The following EIF5 variants were observed in gnomAD, a reference collection of about 807,000 sequenced individuals.
EIF5 encodes eukaryotic translation initiation factor 5.
Under a neutral mutation model 48.3 loss-of-function variants are expected in EIF5, and 10 were observed. That is an observed-to-expected ratio of 0.21 (90% confidence interval 0.13 to 0.35). The LOEUF is 0.35. Ranked by LOEUF, EIF5 falls within the 10% of genes least tolerant of loss-of-function variation. The pLI, the probability that EIF5 is intolerant of heterozygous loss-of-function variation, is 1.00. For missense variants in EIF5, 397 were observed against 533.2 expected (o/e 0.74, Z 2.51); for synonymous variants, 237 against 173.1 (o/e 1.37, Z -2.90).
In EIF5 at chr14:103,342,165, T is replaced by C. The variant is rs1177581910; in HGVS notation, c.*1113T>C. 3 of 152,590 alleles carry C rather than the reference T, an allele frequency of 2.0e-5. No homozygotes were observed. The highest frequency in any genetic ancestry group is 4.4e-5 in the Non-Finnish European group (3 of 68,026). The allele number at this position is 152,590 out of a possible 1,614,324, so 9.5% of individuals were successfully genotyped here. A position where few individuals can be genotyped will look rare whatever the true frequency, so the allele number is the denominator to read the frequency against. On this transcript the variant is annotated 3_prime_UTR_variant, in exon 12 of 12. Coordinates refer to ENST00000216554, the MANE Select transcript of EIF5 (RefSeq NM_001969.5). ...TCTTTTTTTTTTCTTCCAGAATGTC[T>C]TATTTAAAAAGAAAGCTAAAAGCAT...
At position 103,342,449 on chromosome 14, in the gene EIF5, C is replaced by T. The variant is rs1046764831; in HGVS notation, c.*1397C>T. The T allele has an allele frequency of 6.6e-6, 1 of 152,160 alleles. No homozygotes were observed. Among genetic ancestry groups the T allele is most frequent in the Non-Finnish European group, 1.5e-5 (1 of 68,030 alleles). 9.4% of individuals were successfully genotyped at this position (152,160 alleles called of 1,614,324 possible). On this transcript the variant is annotated 3_prime_UTR_variant, in exon 12 of 12. Coordinates refer to ENST00000216554, the MANE Select transcript of EIF5 (RefSeq NM_001969.5). ...TCAAGGTTAAACCTCTTGGCAGTTA[C>T]CCTTTTCACAAAGTGCACAGTGGGA...
At position 103,343,009 on chromosome 14, in the gene EIF5, G is replaced by A. The variant is rs1278282706; in HGVS notation, c.*1957G>A. On this transcript the variant is annotated 3_prime_UTR_variant, in exon 12 of 12. Coordinates refer to ENST00000216554, the MANE Select transcript of EIF5 (RefSeq NM_001969.5). ...ACTAAAAAATTTGGCTTAAACCAGT[G>A]TTCAGTCTGGTGCCAAACTTCGAAT... 2.6e-5 allele frequency: 4 copies of A among 152,602 alleles called. No homozygotes were observed. The highest frequency in any genetic ancestry group is 4.1e-4 in the South Asian group (2 of 4,828). The allele number at this position is 152,602 out of a possible 1,614,324, so 9.5% of individuals were successfully genotyped here.
rs950275290 is a variant in EIF5 at position 103,336,940 on chromosome 14, T to G, written c.327+91T>G. 33 of 1,459,346 alleles carry G rather than the reference T, an allele frequency of 2.3e-5. No individual in the cohort carries two copies. The African/African-American group carries it at 4.1e-4, about 18-fold the overall frequency. The allele number at this position is 1,459,346 out of a possible 1,614,324, so 90.4% of individuals were successfully genotyped here. On this transcript the variant is annotated intron_variant, in intron 5 of 11. Coordinates refer to ENST00000216554, the MANE Select transcript of EIF5 (RefSeq NM_001969.5). The stretch of plus-strand genomic sequence containing the variant: ...CCTTCCTGAGAAGGCAGAGCAAATG[T>G]AATTTTAAATCAAACACAAAACTCC...
chr14:103,337,734 A>G (rs778101982), intron 6 of EIF5: 5 of 423,662 alleles, frequency 1.2e-5, no homozygotes, highest in Non-Finnish European at 4.6e-6. Context: ...ATCAATTAAG[A>G]CATTATCTGA....
In EIF5 at chr14:103,341,230, C is replaced by T; in HGVS notation, c.*178C>T. On this transcript the variant is annotated 3_prime_UTR_variant, in exon 12 of 12. Transcript: ENST00000216554. Reference sequence around the variant, plus strand: ...AAGCCCAATGAGACATCTAGGGAGTCCATACACATCAGTGAGCAGATGTAG... The same window carrying T: ...AAGCCCAATGAGACATCTAGGGAGTTCATACACATCAGTGAGCAGATGTAG... 1 of 571,670 alleles carries T rather than the reference C, an allele frequency of 1.7e-6. No individual in the cohort carries two copies. The highest frequency in any genetic ancestry group is 3.1e-6 in the Non-Finnish European group (1 of 318,608). The allele number at this position is 571,670 out of a possible 1,614,324, so 35.4% of individuals were successfully genotyped here. A position where few individuals can be genotyped will look rare whatever the true frequency, so the allele number is the denominator to read the frequency against.
At position 103,336,165 on chromosome 14, in the gene EIF5, T is replaced by C. The variant is rs780522747; in HGVS notation, c.154+48T>C. The C allele has an allele frequency of 5.1e-6, 8 of 1,563,860 alleles. No homozygotes were observed. The East Asian group carries it at 1.4e-4, about 27-fold the overall frequency. On this transcript the variant is annotated intron_variant, in intron 4 of 11. Transcript: ENST00000216554. ...CACAGGGCATATTATGGATAGAGTC[T>C]TCAAAGTCTTTGAGCTGCAAAACTT...
intron 8 of EIF5, 102 bp downstream of exon 8, chr14:103,338,995 C>A (rs2089321884): frequency 2.0e-6 from 3 of 1,500,090 alleles, no homozygotes; most frequent in South Asian, 2.7e-5. Context: ...CTCTAATGCA[C>A]GACTTTTTAG....
chr14:103,340,531 CGAA>C lies in EIF5; in HGVS notation c.1185_1187del (p.Glu395del), dbSNP rs752768657. 7.0e-5 allele frequency: 113 copies of C among 1,611,726 alleles called. 2 individuals carry two copies. In the Middle Eastern group the frequency reaches 2.3e-3, roughly 33 times the overall value. On this transcript the variant is annotated inframe_deletion, in exon 11 of 12. Transcript: ENST00000216554. ...AGGCAGAGGAAGAATCTTCTGGTGGCGAAGAAGAAGATGAAGATGAGAACATTG... is the reference window on the plus strand; with the variant it reads ...AGGCAGAGGAAGAATCTTCTGGTGGCGAAGAAGATGAAGATGAGAACATTG...
chr14:103,338,559 A>G, intron 7 of EIF5, 87 bp downstream of exon 7: 3 of 1,505,026 alleles, frequency 2.0e-6, no homozygotes, highest in Non-Finnish European at 8.9e-7. Context: ...TGTTGAAACT[A>G]GCCTTCAGTG....
chr14:103,338,434 C>G lies in EIF5; in HGVS notation c.547C>G (p.Pro183Ala). ...CAGCAGTGAGACACCACCACCACCA[C>G]CACCACCAAATGAAATTAATCCTCC... ...VSSSETPPPP[P>A]PPNEINPPPH... Residue 183 changes from proline (P) to alanine (A), a missense_variant, in exon 7 of 12, where the codon CCA (proline) becomes GCA (alanine). By Grantham distance (27) the Pro-to-Ala change is conservative. Transcript: ENST00000216554. 1 of 1,591,884 alleles carries G rather than the reference C, an allele frequency of 6.3e-7. No individual in the cohort carries two copies. The highest frequency in any genetic ancestry group is 2.3e-5 in the East Asian group (1 of 43,172).
intron 6 of EIF5, 152 bp downstream of exon 6, chr14:103,337,379 C>A: frequency 1.6e-6 from 1 of 635,904 alleles, no homozygotes; most frequent in Non-Finnish European, 2.6e-6. Flanking sequence ...CCAGGGCGGG[C>A]ACATCACTTG....
chr14:103,337,938 C>T (rs1276132546), intron 6 of EIF5: 1 of 529,354 alleles, frequency 1.9e-6, no homozygotes, highest in South Asian at 1.4e-5. Context: ...GGTGTTCTCT[C>T]TCCCATGAGA....
intron 10 of EIF5, among the ~76,000 whole-genome samples, chr14:103,340,033 A>G (rs564316170): frequency 1.3e-5 from 2 of 152,156 alleles, no homozygotes; most frequent in Admixed American, 6.5e-5. Flanking sequence ...TAATTTTTGT[A>G]TTTTTAGTAG....
rs773670665 is a variant in EIF5 at position 103,340,413 on chromosome 14, C to A, written c.1072-14C>A. On this transcript the variant is annotated splice_polypyrimidine_tract_variant and intron_variant, in intron 10 of 11. Coordinates refer to ENST00000216554, the MANE Select transcript of EIF5 (RefSeq NM_001969.5). ...AAATTCCTCAACTAAGAGACTTGTA[C>A]TCACATTTTTTAGGCCTCTAAGAAA... 6.3e-7 allele frequency: 1 copy of A among 1,594,960 alleles called. No individual in the cohort carries two copies. Among genetic ancestry groups the A allele is most frequent in the East Asian group, 2.3e-5 (1 of 44,346 alleles).
rs1003031619 is a variant in EIF5 at position 103,342,130 on chromosome 14, C to T, written c.*1078C>T. ...TTAACTGTGTTTCAAACTTGATTTT[C>T]TTTCCTTTTTCTTTTTTTTTTCTTC... On this transcript the variant is annotated 3_prime_UTR_variant, in exon 12 of 12. Transcript: ENST00000216554. The T allele has an allele frequency of 1.3e-5, 2 of 152,242 alleles. No individual in the cohort carries two copies. Among genetic ancestry groups the T allele is most frequent in the African/African-American group, 2.4e-5 (1 of 41,332 alleles). The allele number at this position is 152,242 out of a possible 1,614,324, so 9.4% of individuals were successfully genotyped here.
At position 103,337,095 on chromosome 14, in the gene EIF5, C is replaced by T. The variant is rs751486885; in HGVS notation, c.328-21C>T. 2.5e-6 allele frequency: 4 copies of T among 1,595,444 alleles called. No individual in the cohort carries two copies. The African/African-American group carries it at 5.4e-5, about 22-fold the overall frequency. Reference sequence around the variant, plus strand: ...TATTTTCATGTTATATTATGGATAACATTTGTTATTTTTTTGGCAGCATGT... The same window carrying T: ...TATTTTCATGTTATATTATGGATAATATTTGTTATTTTTTTGGCAGCATGT... On this transcript the variant is annotated intron_variant, in intron 5 of 11. Coordinates refer to ENST00000216554, the MANE Select transcript of EIF5 (RefSeq NM_001969.5).
In EIF5 at chr14:103,336,742, T is replaced by C; in HGVS notation, c.220T>C (p.Tyr74His). The C allele has an allele frequency of 6.2e-7, 1 of 1,614,180 alleles. No homozygotes were observed. The highest frequency in any genetic ancestry group is 8.5e-7 in the Non-Finnish European group (1 of 1,180,018). ...CCAGTTTGATGTTAAGAATGACCGTTACATTGTCAATGGATCTCATGAGGC... is the reference window on the plus strand; with the variant it reads ...CCAGTTTGATGTTAAGAATGACCGTCACATTGTCAATGGATCTCATGAGGC... ...QTQFDVKNDR[Y>H]IVNGSHEANK... Residue 74 changes from tyrosine (Y) to histidine (H), a missense_variant, in exon 5 of 12, where the codon TAC becomes CAC. By Grantham distance (83) the Tyr-to-His change is moderately conservative (BLOSUM62 2). This residue lies in a region of EIF5 where 108 missense variants were observed against 188.3 expected (regional missense o/e 0.57). Coordinates refer to ENST00000216554, the MANE Select transcript of EIF5 (RefSeq NM_001969.5).
rs779410488 is a variant in EIF5 at position 103,339,251 on chromosome 14, T to C, written c.824T>C (p.Met275Thr). The C allele has an allele frequency of 1.2e-5, 19 of 1,613,248 alleles. No homozygotes were observed. Among genetic ancestry groups the C allele is most frequent in the Non-Finnish European group, 1.4e-5 (17 of 1,179,808 alleles). The change falls in exon 9 of 12, where the codon ATG becomes ACG. Residue 275 changes from methionine (M) to threonine (T), a missense_variant. Around this residue, in one of 4 missense-constraint regions of EIF5, gnomAD observed 3 missense variants for 18.1 expected, o/e 0.17. Coordinates refer to ENST00000216554, the MANE Select transcript of EIF5 (RefSeq NM_001969.5). ...AEAERLDVKA[M>T]GPLVLTEVLF... is the part of the protein sequence containing the mutation. ...GCAGAAAGACTGGATGTAAAAGCCATGGGCCCTCTTGTTCTAACTGAAGTT... is the reference window on the plus strand; with the variant it reads ...GCAGAAAGACTGGATGTAAAAGCCACGGGCCCTCTTGTTCTAACTGAAGTT...
chr14:103,340,308 C>G, intron 10 of EIF5, 119 bp from the exon 11 acceptor site: 1 of 1,072,074 alleles, frequency 9.3e-7, no homozygotes, highest in Non-Finnish European at 1.4e-6. Context: ...TACATTGATT[C>G]TGTTTGAGGA....
Sources: allele counts gnomAD v4.1 joint callset (sites outside exome capture counted in the v4.1 genomes callset), GRCh38; gene constraint gnomAD v4.1.1; regional missense constraint gnomAD v4.1.1; transcripts MANE v1.5; gene names NCBI Gene and HGNC (gene_info 2026-07-23, HGNC 2026-07-21).